CABLES1: variants seen among roughly 807,000 people sequenced by gnomAD.
CABLES1 encodes CDK5 and ABL1 enzyme substrate 1.
In CABLES1, 36 loss-of-function variants were observed where a neutral mutation model predicts 57.8. The observed-to-expected ratio is 0.62, with a 90% CI of 0.48 to 0.82. The LOEUF is 0.82. CABLES1 is among the 40% of genes least tolerant of loss of function. The pLI is 0.00. For synonymous variants in CABLES1, 374 were observed against 363.0 expected (o/e 1.03, Z -0.35); for missense variants, 767 against 836.6 (o/e 0.92, Z 1.03).
intron 1 of CABLES1, among the ~76,000 whole-genome samples, chr18:23,161,352 A>G (rs1037443809): frequency 2.0e-5 from 3 of 151,894 alleles, no homozygotes; most frequent in African/African-American, 7.3e-5. Context: ...GAAAGAGTGT[A>G]TCTAAATTAC....
intron 1 of CABLES1, among the ~76,000 whole-genome samples, chr18:23,175,232 A>G (rs1268531157): frequency 6.6e-6 from 1 of 152,216 alleles, no homozygotes; most frequent in African/African-American, 2.4e-5. Context: ...TGATTGAGAT[A>G]TAAGTCAATA....
intron 4 of CABLES1, among the ~76,000 whole-genome samples, chr18:23,233,346 A>G (rs2047579859): frequency 6.6e-6 from 1 of 152,182 alleles, no homozygotes; most frequent in Admixed American, 6.5e-5. Context: ...GCATAGGTCC[A>G]TCTTGCATCT....
chr18:23,174,941 A>G lies in CABLES1; in HGVS notation c.846-13897A>G, dbSNP rs971915438. Among the ~76,000 whole-genome samples, 8 of 149,588 alleles carry G rather than the reference A, an allele frequency of 5.3e-5. No homozygotes were observed. The East Asian group carries it at 1.2e-3, about 22-fold the overall frequency. ...ATACTGGTGACTTATGCATTAATTA[A>G]CTAATTATGCATTAGTTAACTCACG... On this transcript the variant is annotated intron_variant, in intron 1 of 9. Coordinates refer to ENST00000256925, the MANE Select transcript of CABLES1 (RefSeq NM_001100619.3).
chr18:23,190,034 G>A (rs908454491), intron 2 of CABLES1, among the ~76,000 whole-genome samples: 16 of 152,314 alleles, frequency 1.1e-4, no homozygotes, highest in African/African-American at 3.6e-4. Context: ...ACCTCCAGGT[G>A]CCTCCTAGGA....
At chr18:23,217,787 A>G (rs1231318155) in intron 4 of CABLES1, among the ~76,000 whole-genome samples, 1 of 152,260 alleles carries the variant, frequency 6.6e-6, no homozygotes, top group African/African-American at 2.4e-5. Context: ...ACAGTGGAAA[A>G]TTCCTTTACT....
chr18:23,163,401 C>T (rs933697963), intron 1 of CABLES1, among the ~76,000 whole-genome samples: 4 of 152,044 alleles, frequency 2.6e-5, no homozygotes, highest in African/African-American at 4.8e-5. Flanking sequence ...ACCCAGGGAG[C>T]GGGGACAGAG....
intron 1 of CABLES1, among the ~76,000 whole-genome samples, chr18:23,137,127 A>C (rs2046828317): frequency 6.6e-6 from 1 of 152,072 alleles, no homozygotes; most frequent in Non-Finnish European, 1.5e-5. Context: ...GGCTTTTTCC[A>C]TTTGCTTTCC....
intron 1 of CABLES1, among the ~76,000 whole-genome samples, chr18:23,156,404 A>G (rs757635444): frequency 4.6e-5 from 7 of 152,160 alleles, no homozygotes; most frequent in Non-Finnish European, 7.4e-5. Flanking sequence ...GGGCACCAAG[A>G]TTGTGTGTTT....
At chr18:23,211,038 G>T (rs1359086480) in intron 3 of CABLES1, among the ~76,000 whole-genome samples, 1 of 151,956 alleles carries the variant, frequency 6.6e-6, no homozygotes, top group Non-Finnish European at 1.5e-5. Flanking sequence ...CGAGCAGCAT[G>T]TTGTCAGCCT....
At chr18:23,156,002 T>C (rs2046963117) in intron 1 of CABLES1, 2 of 1,609,008 alleles carry the variant, frequency 1.2e-6, no homozygotes. Flanking sequence ...GAGTCTGTTT[T>C]TTTGGCTCCC....
intron 3 of CABLES1, chr18:23,197,680 T>G (rs1224180279): frequency 2.6e-5 from 4 of 152,182 alleles, no homozygotes; most frequent in African/African-American, 9.7e-5. Context: ...TTTCGTCTCC[T>G]AGCAGGTAGG....
intron 4 of CABLES1, among the ~76,000 whole-genome samples, chr18:23,234,088 C>T (rs766516150): frequency 6.6e-5 from 10 of 152,120 alleles, no homozygotes; most frequent in Non-Finnish European, 8.8e-5. Flanking sequence ...CGTGGTGGTG[C>T]GCGCCTGTAA....
chr18:23,152,710 C>T (rs1285059693), intron 1 of CABLES1, among the ~76,000 whole-genome samples: 1 of 151,926 alleles, frequency 6.6e-6, no homozygotes, highest in Non-Finnish European at 1.5e-5. Flanking sequence ...GTCTCAAACC[C>T]CTGACCTCAA....
intron 5 of CABLES1, among the ~76,000 whole-genome samples, chr18:23,235,268 C>T (rs1400102577): frequency 6.6e-6 from 1 of 152,322 alleles, no homozygotes; most frequent in East Asian, 1.9e-4. Flanking sequence ...ATGGCAATGA[C>T]GCAAGTGTTT....
intron 1 of CABLES1, among the ~76,000 whole-genome samples, chr18:23,159,880 T>C (rs2046991077): frequency 6.7e-6 from 1 of 148,480 alleles, no homozygotes; most frequent in South Asian, 2.1e-4. Flanking sequence ...TGATTTTCTT[T>C]CTTTTTTTTT....
chr18:23,214,098 A>G, intron 4 of CABLES1, 44 bp downstream of exon 4: 5 of 1,356,838 alleles, frequency 3.7e-6, no homozygotes, highest in Non-Finnish European at 5.2e-6. Flanking sequence ...GGGTGAAAAG[A>G]TCTCACACCA....
Position 23,135,605 on chromosome 18 carries a change from G to C in CABLES1, c.-158G>C. 2.3e-6 allele frequency: 1 copy of C among 427,992 alleles called. No individual in the cohort carries two copies. Among genetic ancestry groups the C allele is most frequent in the Non-Finnish European group, 3.1e-6 (1 of 321,818 alleles). The allele number at this position is 427,992 out of a possible 1,614,324, so 26.5% of individuals were successfully genotyped here. A position where few individuals can be genotyped will look rare whatever the true frequency, so the allele number is the denominator to read the frequency against. On this transcript the variant is annotated 5_prime_UTR_variant, in exon 1 of 10. Coordinates refer to ENST00000256925, the MANE Select transcript of CABLES1 (RefSeq NM_001100619.3). ...GCCCCCATCCCCAGCACCGAGGGGC[G>C]AGCATGGCCCGCCCGCGGGGGGGCT...
intron 3 of CABLES1, among the ~76,000 whole-genome samples, chr18:23,198,967 C>T (rs550460810): frequency 1.3e-5 from 2 of 152,346 alleles, no homozygotes; most frequent in African/African-American, 4.8e-5. Context: ...GTAGAATTCA[C>T]ATCCAGGCAT....
At chr18:23,193,018 G>A (rs2047255918) in intron 2 of CABLES1, among the ~76,000 whole-genome samples, 1 of 152,020 alleles carries the variant, frequency 6.6e-6, no homozygotes, top group Admixed American at 6.6e-5. Context: ...TCCAGCCTGG[G>A]CGACAGAGCA....
Sources: allele counts gnomAD v4.1 joint callset (sites outside exome capture counted in the v4.1 genomes callset), GRCh38; gene constraint gnomAD v4.1.1; transcripts MANE v1.5; gene names NCBI Gene and HGNC (gene_info 2026-07-23, HGNC 2026-07-21).